Variants in PCSK5 observed in about 807,000 individuals in gnomAD.
The protein encoded by PCSK5 is prohormone convertase 5.
A neutral mutation model predicts 233.2 loss-of-function variants in PCSK5; 129 were observed. That is an observed-to-expected ratio of 0.55 (90% CI 0.48 to 0.64). PCSK5 has a LOEUF of 0.64. PCSK5 is among the 30% of genes least tolerant of loss of function. The pLI is 0.00. For synonymous variants in PCSK5, 825 were observed against 879.2 expected (o/e 0.94, Z 1.09); for missense variants, 2,076 against 2,430.1 (o/e 0.85, Z 3.06).
Position 76,345,865 on chromosome 9 carries a change from G to A in PCSK5, c.4967-4963G>A, listed in dbSNP as rs188546797. On this transcript the variant is annotated intron_variant, in intron 35 of 37. Transcript: ENST00000674117. The stretch of plus-strand genomic sequence containing the variant: ...CTCCCGAGTAGCTGGGACTACAGGC[G>A]TGTGCCACCACGCCTGGCTAATTTT... Among the ~76,000 whole-genome samples the A allele has an allele frequency of 2.9e-3, 443 of 152,084 alleles. 1 individual carries two copies. The highest frequency in any genetic ancestry group is 0.01 in the African/African-American group (433 of 41,460).
chr9:76,095,223 G>A (rs555312852), intron 7 of PCSK5, among the ~76,000 whole-genome samples: 19 of 152,256 alleles, frequency 1.2e-4, no homozygotes, highest in South Asian at 4.2e-4. Context: ...ACCACTCATG[G>A]GAAGATCAGT....
At chr9:76,208,722 G>A (rs1354668898) in intron 20 of PCSK5, among the ~76,000 whole-genome samples, 1 of 152,128 alleles carries the variant, frequency 6.6e-6, no homozygotes, top group African/African-American at 2.4e-5. Flanking sequence ...ATGTTCAAAA[G>A]GTAAATTCAC....
chr9:76,267,097 T>C (rs1190055712), intron 24 of PCSK5, among the ~76,000 whole-genome samples: 3 of 152,170 alleles, frequency 2.0e-5, no homozygotes. Context: ...CAAAGAACAA[T>C]GGCCTTGGAA....
intron 24 of PCSK5, among the ~76,000 whole-genome samples, chr9:76,251,055 G>GCC (rs1826783574): frequency 6.6e-6 from 1 of 151,876 alleles, no homozygotes; most frequent in South Asian, 2.1e-4. Context: ...ATGGCTTCAG[G>GCC]CCAGGAGTTC....
At chr9:76,156,028 G>C (rs1249063222) in intron 10 of PCSK5, among the ~76,000 whole-genome samples, 1 of 152,142 alleles carries the variant, frequency 6.6e-6, no homozygotes, top group East Asian at 1.9e-4. Flanking sequence ...CAATCAAGCT[G>C]ATGTATTTAA....
intron 23 of PCSK5, among the ~76,000 whole-genome samples, chr9:76,239,950 G>A (rs1228887566): frequency 6.6e-6 from 1 of 152,160 alleles, no homozygotes; most frequent in South Asian, 2.1e-4. Context: ...TGAGAAGCCA[G>A]TGAGGACCAG....
chr9:75,991,000 G>A (rs904693650), intron 3 of PCSK5, among the ~76,000 whole-genome samples: 17 of 152,134 alleles, frequency 1.1e-4, no homozygotes, highest in African/African-American at 3.6e-4. Context: ...AGTAGAGAAC[G>A]CTTAGTGTGT....
intron 24 of PCSK5, among the ~76,000 whole-genome samples, chr9:76,268,360 AAAT>A (rs1205330372): frequency 6.6e-6 from 1 of 152,132 alleles, no homozygotes; most frequent in African/African-American, 2.4e-5. Context: ...TACTTTTTCT[AAAT>A]AACACCAAGT....
chr9:76,193,406 T>C, intron 20 of PCSK5: 2 of 680,340 alleles, frequency 2.9e-6, no homozygotes, highest in Non-Finnish European at 3.7e-6. Flanking sequence ...TTCCATATTA[T>C]TAAAAAGAAA....
chr9:76,303,421 G>T (rs1205716580), intron 28 of PCSK5, among the ~76,000 whole-genome samples: 1 of 152,120 alleles, frequency 6.6e-6, no homozygotes, highest in Non-Finnish European at 1.5e-5. Context: ...ATAAATATGT[G>T]CATATTTGTA....
chr9:75,921,627 A>T (rs78710490), intron 1 of PCSK5, among the ~76,000 whole-genome samples: 3,928 of 152,058 alleles, frequency 0.026, 171 homozygotes, highest in African/African-American at 0.088. Flanking sequence ...AACAGGTGGG[A>T]TAGCTTAAAT....
intron 35 of PCSK5, among the ~76,000 whole-genome samples, chr9:76,347,924 A>AGGGAT (rs1830020940): frequency 6.6e-6 from 1 of 152,078 alleles, no homozygotes; most frequent in Admixed American, 6.6e-5. Context: ...TAGGGTACAA[A>AGGGAT]GGGATGTCAT....
intron 2 of PCSK5, among the ~76,000 whole-genome samples, chr9:75,936,391 A>G (rs1013257371): frequency 5.3e-5 from 8 of 152,274 alleles, no homozygotes; most frequent in African/African-American, 1.9e-4. Flanking sequence ...TTTTACCTGC[A>G]GTAGAACTTC....
intron 5 of PCSK5, among the ~76,000 whole-genome samples, chr9:76,040,335 C>G (rs575482796): frequency 2.3e-4 from 7 of 30,798 alleles, no homozygotes; most frequent in African/African-American, 4.1e-4. Context: ...GTCTCTCTCT[C>G]TCTCTCTCTC....
intron 20 of PCSK5, among the ~76,000 whole-genome samples, chr9:76,214,687 T>C (rs568976662): frequency 6.6e-6 from 1 of 152,208 alleles, no homozygotes; most frequent in Non-Finnish European, 1.5e-5. Context: ...CTCCGAACAA[T>C]TCCTAGCATA....
chr9:75,982,013 G>A (rs1826295981), intron 2 of PCSK5, among the ~76,000 whole-genome samples: 1 of 152,224 alleles, frequency 6.6e-6, no homozygotes, highest in Non-Finnish European at 1.5e-5. Context: ...TACCTAGAAA[G>A]CAACCAGTTT....
At chr9:76,064,115 G>T (rs1399593418) in intron 5 of PCSK5, among the ~76,000 whole-genome samples, 8 of 122,482 alleles carry the variant, frequency 6.5e-5, no homozygotes, top group Non-Finnish European at 3.4e-5. Flanking sequence ...CCCAGACGGG[G>T]CGGCTGGCTG....
chr9:76,227,432 G>C (rs1825929371), intron 20 of PCSK5, 71 bp from the exon 21 acceptor site: 1 of 1,050,232 alleles, frequency 9.5e-7, no homozygotes, highest in African/African-American at 1.6e-5. Flanking sequence ...AGATCTGGCT[G>C]CTCTCAGACT....
intron 24 of PCSK5, among the ~76,000 whole-genome samples, chr9:76,267,689 C>T (rs1293522279): frequency 6.6e-6 from 1 of 152,064 alleles, no homozygotes; most frequent in Non-Finnish European, 1.5e-5. Flanking sequence ...AGGTGCTAAG[C>T]TTTTATTTTT....
Sources: allele counts gnomAD v4.1 joint callset (sites outside exome capture counted in the v4.1 genomes callset), GRCh38; gene constraint gnomAD v4.1.1; transcripts MANE v1.5; gene names NCBI Gene and HGNC (gene_info 2026-07-23, HGNC 2026-07-21).